Variants in CTNNA2 observed in about 807,000 individuals in gnomAD.
CTNNA2 encodes catenin alpha 2.
Under a neutral mutation model 101.0 loss-of-function variants are expected in CTNNA2, and 42 were observed. The ratio of observed to expected loss-of-function variants is 0.42; its 90% CI spans 0.32 to 0.54. CTNNA2 has a LOEUF of 0.54. CTNNA2 is among the 20% of genes least tolerant of loss of function. CTNNA2 has a pLI of 0.14. For missense variants in CTNNA2, 871 were observed against 1,223.1 expected (o/e 0.71, Z 4.29); for synonymous variants, 450 against 456.4 (o/e 0.99, Z 0.18).
intron 1 of CTNNA2, among the ~76,000 whole-genome samples, chr2:79,585,196 T>C (rs1427948270): frequency 1.3e-5 from 2 of 151,962 alleles, no homozygotes; most frequent in African/African-American, 4.8e-5. Context: ...TTCTTTTCTG[T>C]ATGTTAATGT....
At chr2:80,611,977 T>C (rs2149790981) in intron 17 of CTNNA2, among the ~76,000 whole-genome samples, 1 of 151,784 alleles carries the variant, frequency 6.6e-6, no homozygotes, top group African/African-American at 2.4e-5. Flanking sequence ...TGTCTCTGTA[T>C]TAACAAAATA....
intron 2 of CTNNA2, among the ~76,000 whole-genome samples, chr2:79,682,919 A>G (rs1311801551): frequency 1.3e-5 from 2 of 152,234 alleles, no homozygotes; most frequent in Admixed American, 6.5e-5. Context: ...GCAAAAATAC[A>G]AACAAAAATA....
intron 7 of CTNNA2, among the ~76,000 whole-genome samples, chr2:80,305,847 A>G (rs1480222163): frequency 6.6e-6 from 1 of 152,158 alleles, no homozygotes; most frequent in Admixed American, 6.5e-5. Flanking sequence ...CCTTCTTGAC[A>G]AAGATGCCCA....
chr2:79,882,540 C>G (rs142243049), intron 6 of CTNNA2, among the ~76,000 whole-genome samples: 2,894 of 152,352 alleles, frequency 0.019, 101 homozygotes, highest in African/African-American at 0.066. Context: ...GTCTTGGGAC[C>G]AAGCTGTCCA....
chr2:79,892,213 A>G (rs1056060680), intron 6 of CTNNA2, among the ~76,000 whole-genome samples: 5 of 152,130 alleles, frequency 3.3e-5, no homozygotes, highest in African/African-American at 1.2e-4. Flanking sequence ...AGATTTGTGG[A>G]TTTATAGAAG....
At chr2:79,499,968 C>T (rs1169800757) in intron 4 of CTNNA2, among the ~76,000 whole-genome samples, 1 of 152,204 alleles carries the variant, frequency 6.6e-6, no homozygotes, top group East Asian at 1.9e-4. Flanking sequence ...ATTTTGAATG[C>T]CATCTGTTGG....
chr2:80,592,856 C>T (rs563995129), intron 15 of CTNNA2, among the ~76,000 whole-genome samples: 1 of 152,196 alleles, frequency 6.6e-6, no homozygotes, highest in Non-Finnish European at 1.5e-5. Context: ...AGATTTTTCA[C>T]CTTAGTACTT....
intron 4 of CTNNA2, among the ~76,000 whole-genome samples, chr2:79,425,387 C>T (rs1053617245): frequency 6.6e-6 from 1 of 152,076 alleles, no homozygotes; most frequent in African/African-American, 2.4e-5. Flanking sequence ...AAGAAAATAC[C>T]TCAGACTGGA....
intron 3 of CTNNA2, among the ~76,000 whole-genome samples, chr2:79,846,994 T>G (rs1430699149): frequency 6.6e-6 from 1 of 152,200 alleles, no homozygotes; most frequent in African/African-American, 2.4e-5. Flanking sequence ...ACTTGAATGA[T>G]TAGTAGATAT....
At chr2:79,875,449 G>A (rs902045394) in intron 6 of CTNNA2, among the ~76,000 whole-genome samples, 2 of 152,128 alleles carry the variant, frequency 1.3e-5, no homozygotes, top group Non-Finnish European at 2.9e-5. Context: ...GGAATTCATA[G>A]AAGAAAAATA....
At chr2:79,871,102 C>T (rs1682551347) in intron 5 of CTNNA2, among the ~76,000 whole-genome samples, 1 of 152,122 alleles carries the variant, frequency 6.6e-6, no homozygotes, top group East Asian at 1.9e-4. Context: ...TCCTTTCACC[C>T]ATCCTTTTGA....
At chr2:80,045,191 T>C (rs2104299971) in intron 7 of CTNNA2, among the ~76,000 whole-genome samples, 1 of 152,274 alleles carries the variant, frequency 6.6e-6, no homozygotes, top group Non-Finnish European at 1.5e-5. Flanking sequence ...AGTCATACTG[T>C]GCCCCTTCTG....
In CTNNA2 at chr2:80,176,504, C is replaced by G. The variant is rs147384324; in HGVS notation, c.1057-216707C>G. ...TGGTATTGATGACTACCTTCTTCTA[C>G]TACCTATTCTGTATTCCTTTTGCCT... On this transcript the variant is annotated intron_variant, in intron 7 of 18. Transcript: ENST00000402739. 4.6e-5 allele frequency among the ~76,000 whole-genome samples: 7 copies of G among 152,362 alleles called. No individual in the cohort carries two copies. In the East Asian group the frequency reaches 1.4e-3, roughly 29 times the overall value.
rs369376065 is a variant in CTNNA2 at position 79,646,063 on chromosome 2, C to T, written c.-5-5489C>T. Among the ~76,000 whole-genome samples the T allele has an allele frequency of 2.0e-4, 30 of 152,254 alleles. No individual in the cohort carries two copies. The South Asian group carries it at 6.2e-3, about 32-fold the overall frequency. The stretch of plus-strand genomic sequence containing the variant: ...GAGAGAAAACAGGTTTGGGTGGTCC[C>T]CTTGGCAACTGGAAAGCATCCTGGG... On this transcript the variant is annotated intron_variant, in intron 1 of 18. Coordinates refer to ENST00000402739, the MANE Select transcript of CTNNA2 (RefSeq NM_001282597.3).
intron 2 of CTNNA2, among the ~76,000 whole-genome samples, chr2:79,297,909 T>C (rs963087037): frequency 2.0e-5 from 3 of 152,232 alleles, no homozygotes; most frequent in African/African-American, 7.2e-5. Flanking sequence ...GTTACTCATC[T>C]ATCTCTCATT....
chr2:80,140,251 C>A (rs1201364491), intron 7 of CTNNA2, among the ~76,000 whole-genome samples: 1 of 152,102 alleles, frequency 6.6e-6, no homozygotes, highest in Non-Finnish European at 1.5e-5. Flanking sequence ...GAGGTGATAC[C>A]AATTGACTTT....
chr2:80,538,887 CT>C (rs1691284548), intron 9 of CTNNA2, among the ~76,000 whole-genome samples: 1 of 152,124 alleles, frequency 6.6e-6, no homozygotes, highest in South Asian at 2.1e-4. Context: ...TGTTTGTGTT[CT>C]CTCTTATTTC....
intron 9 of CTNNA2, among the ~76,000 whole-genome samples, chr2:80,531,864 T>A: frequency 6.6e-6 from 1 of 152,164 alleles, no homozygotes; most frequent in East Asian, 1.9e-4. Flanking sequence ...CTGAAAAAAT[T>A]AAATGGTTAA....
At chr2:80,311,422 C>A (rs1677575693) in intron 7 of CTNNA2, among the ~76,000 whole-genome samples, 1 of 152,162 alleles carries the variant, frequency 6.6e-6, no homozygotes. Context: ...GGGCCCCGAC[C>A]TGTATTTCTG....
Sources: gnomAD v4.1 joint callset for allele counts (sites outside exome capture counted in the v4.1 genomes callset) on GRCh38, gnomAD v4.1.1 for gene constraint, MANE v1.5 for transcripts, NCBI Gene and HGNC (gene_info 2026-07-23, HGNC 2026-07-21) for gene names.